DPP10: variants seen among roughly 807,000 people sequenced by gnomAD.
DPP10 encodes inactive dipeptidyl peptidase 10.
A neutral mutation model predicts 120.9 loss-of-function variants in DPP10; 33 were observed. That is an observed-to-expected ratio of 0.27 (90% confidence interval 0.21 to 0.37). The LOEUF is 0.37. Among genes scored for constraint, DPP10 ranks in the 10% least tolerant of loss-of-function variants. The pLI is 1.00. For synonymous variants in DPP10, 337 were observed against 326.1 expected, an observed-to-expected ratio of 1.03 and a Z score of -0.36; for missense variants, 816 against 942.8, an observed-to-expected ratio of 0.87 and a Z score of 1.76.
chr2:114,681,349 C>T (rs1163295429), intron 1 of DPP10, among the ~76,000 whole-genome samples: 2 of 151,972 alleles, frequency 1.3e-5, no homozygotes, highest in Non-Finnish European at 2.9e-5. Context: ...AACTCTCAAG[C>T]CAGTTTTCAA....
intron 1 of DPP10, among the ~76,000 whole-genome samples, chr2:114,625,324 G>T (rs1012777832): frequency 1.3e-5 from 2 of 151,956 alleles, no homozygotes; most frequent in African/African-American, 4.8e-5. Context: ...TTGTTGGTTA[G>T]ATCTAGAGGT....
chr2:114,568,219 G>T (rs962768635), intron 1 of DPP10, among the ~76,000 whole-genome samples: 14 of 152,042 alleles, frequency 9.2e-5, no homozygotes, highest in African/African-American at 2.7e-4. Context: ...ACATGTGAGT[G>T]TTGCATGCAT....
intron 1 of DPP10, among the ~76,000 whole-genome samples, chr2:114,782,041 G>C (rs1220866140): frequency 1.3e-5 from 2 of 151,856 alleles, no homozygotes; most frequent in African/African-American, 2.4e-5. Context: ...GCCAACCCTG[G>C]GTATTATCCT....
At chr2:115,785,197 C>T (rs994275247) in intron 17 of DPP10, among the ~76,000 whole-genome samples, 11 of 152,166 alleles carry the variant, frequency 7.2e-5, no homozygotes, top group South Asian at 2.1e-4. Flanking sequence ...TTCCACCAGC[C>T]GTGTTCCTAT....
chr2:115,054,688 G>A (rs977337373), intron 1 of DPP10, among the ~76,000 whole-genome samples: 1 of 152,158 alleles, frequency 6.6e-6, no homozygotes, highest in Non-Finnish European at 1.5e-5. Flanking sequence ...TGAGGCAGGT[G>A]GATCATGAGG....
chr2:115,297,442 G>T (rs1191028678), intron 1 of DPP10: 15 of 167,952 alleles, frequency 8.9e-5, no homozygotes, highest in African/African-American at 3.6e-4. Flanking sequence ...ATAAAATTAA[G>T]TGTAAAAAGC....
intron 5 of DPP10, among the ~76,000 whole-genome samples, chr2:115,660,481 T>G (rs905038512): frequency 5.9e-5 from 9 of 152,124 alleles, no homozygotes; most frequent in African/African-American, 2.2e-4. Context: ...ATTTCTCCCC[T>G]GAAAATAGAG....
At chr2:115,689,121 G>A (rs2091170198) in intron 5 of DPP10, among the ~76,000 whole-genome samples, 1 of 152,152 alleles carries the variant, frequency 6.6e-6, no homozygotes, top group African/African-American at 2.4e-5. Flanking sequence ...AGTGAGATGT[G>A]TCCTAAGAGT....
chr2:114,817,266 C>A (rs1003914190), intron 1 of DPP10, among the ~76,000 whole-genome samples: 1 of 150,448 alleles, frequency 6.6e-6, no homozygotes, highest in Non-Finnish European at 1.5e-5. Flanking sequence ...AAAGATTAGA[C>A]CTATAGTGAT....
At chr2:115,028,975 T>G (rs541864304) in intron 1 of DPP10, among the ~76,000 whole-genome samples, 2 of 152,194 alleles carry the variant, frequency 1.3e-5, no homozygotes, top group East Asian at 1.9e-4. Context: ...TTCTTCTAGA[T>G]AGTATTTAGT....
chr2:114,976,025 A>C (rs1295061630), intron 1 of DPP10, among the ~76,000 whole-genome samples: 2 of 152,240 alleles, frequency 1.3e-5, no homozygotes, highest in Non-Finnish European at 2.9e-5. Context: ...AAACCAAATA[A>C]GTTTTACTTG....
intron 1 of DPP10, among the ~76,000 whole-genome samples, chr2:114,796,497 T>C (rs1683727994): frequency 6.6e-6 from 1 of 152,006 alleles, no homozygotes; most frequent in African/African-American, 2.4e-5. Flanking sequence ...ATACAAAATA[T>C]GTGTTAGTCA....
Position 114,702,252 on chromosome 2 carries a change from G to T in DPP10, c.60+259414G>T, listed in dbSNP as rs76724219. Among the ~76,000 whole-genome samples, 1,222 of 152,168 alleles carry T rather than the reference G, an allele frequency of 8.0e-3. 5 individuals carry two copies. Among genetic ancestry groups the T allele is most frequent in the Non-Finnish European group, 0.013 (900 of 68,000 alleles). On this transcript the variant is annotated intron_variant, in intron 1 of 25. Transcript: ENST00000410059. ...AGTCTACCATCACTTCAACCAGGGG[G>T]GCATGGTCAGAAGAACCATCATACA...
chr2:115,127,987 T>C (rs1348948018), intron 1 of DPP10, among the ~76,000 whole-genome samples: 1 of 152,196 alleles, frequency 6.6e-6, no homozygotes, highest in African/African-American at 2.4e-5. Flanking sequence ...GTGTTAGATT[T>C]AAAAACAGAA....
chr2:115,241,247 C>T (rs1026255426), intron 1 of DPP10, among the ~76,000 whole-genome samples: 3 of 151,282 alleles, frequency 2.0e-5, no homozygotes, highest in East Asian at 2.0e-4. Flanking sequence ...CCAGCCTGGG[C>T]GACAGAGCGA....
chr2:115,794,602 A>G (rs1002753606), intron 19 of DPP10, among the ~76,000 whole-genome samples: 5 of 152,234 alleles, frequency 3.3e-5, no homozygotes, highest in East Asian at 1.9e-4. Context: ...TCTAAGAAGC[A>G]TTGGCACCAT....
At chr2:115,464,115 C>T (rs13386299) in intron 3 of DPP10, among the ~76,000 whole-genome samples, 2,264 of 152,134 alleles carry the variant, frequency 0.015, 60 homozygotes, top group African/African-American at 0.052. Flanking sequence ...GCCACTTTGC[C>T]GGTCCAACTC....
intron 1 of DPP10, among the ~76,000 whole-genome samples, chr2:114,965,063 G>A (rs1698904585): frequency 1.3e-5 from 2 of 152,168 alleles, no homozygotes; most frequent in Admixed American, 6.5e-5. Flanking sequence ...GACATTAACT[G>A]AGATGGGAAA....
chr2:114,615,651 T>C (rs1693619808), intron 1 of DPP10, among the ~76,000 whole-genome samples: 1 of 152,164 alleles, frequency 6.6e-6, no homozygotes, highest in Non-Finnish European at 1.5e-5. Context: ...TATGTTTGAT[T>C]TACTGGTTAG....
Sources: allele counts gnomAD v4.1 joint callset (sites outside exome capture counted in the v4.1 genomes callset), GRCh38; gene constraint gnomAD v4.1.1; transcripts MANE v1.5; gene names NCBI Gene and HGNC (gene_info 2026-07-23, HGNC 2026-07-21).